CCDC62: variants seen among roughly 807,000 people sequenced by gnomAD.
CCDC62 encodes coiled-coil domain containing 62.
CCDC62 carries 72 observed loss-of-function variants against 80.8 expected under a neutral mutation model. The observed-to-expected ratio is 0.89, with a 90% CI of 0.74 to 1.08. CCDC62 has a LOEUF of 1.08. Ranked by LOEUF, CCDC62 falls within the 50% of genes least tolerant of loss-of-function variation. CCDC62 has a pLI of 0.00. For missense variants in CCDC62, 704 were observed against 809.4 expected (o/e 0.87, Z 1.58); for synonymous variants, 286 against 296.5 (o/e 0.96, Z 0.36).
intron 4 of CCDC62, among the ~76,000 whole-genome samples, chr12:122,787,994 A>G (rs898451529): frequency 4.6e-5 from 7 of 152,236 alleles, no homozygotes; most frequent in Non-Finnish European, 2.9e-5. Flanking sequence ...GGGTTTTTGC[A>G]TGGCCTGCCC....
intron 10 of CCDC62, among the ~76,000 whole-genome samples, chr12:122,811,859 T>C (rs1365081099): frequency 2.9e-5 from 4 of 136,566 alleles, no homozygotes; most frequent in African/African-American, 1.1e-4. Context: ...AAAAATTCAG[T>C]CTAGGCCCCT....
At chr12:122,780,064 C>T (rs1440535300) in intron 2 of CCDC62, among the ~76,000 whole-genome samples, 1 of 152,114 alleles carries the variant, frequency 6.6e-6, no homozygotes, top group African/African-American at 2.4e-5. Context: ...GTAATCCCAG[C>T]ACTTTGGGAG....
chr12:122,789,518 C>T (rs978040455), intron 5 of CCDC62, among the ~76,000 whole-genome samples: 8 of 152,180 alleles, frequency 5.3e-5, no homozygotes, highest in East Asian at 1.9e-4. Context: ...CCACTGCCTC[C>T]ACCTCCTGGG....
chr12:122,812,793 AAG>A (rs1491441254), intron 10 of CCDC62, among the ~76,000 whole-genome samples: 4 of 143,290 alleles, frequency 2.8e-5, no homozygotes, highest in Non-Finnish European at 6.0e-5. Context: ...GAAAGAAAGA[AAG>A]AAAGAAAGAA....
At chr12:122,818,002 A>C (rs1255191349) in intron 11 of CCDC62, among the ~76,000 whole-genome samples, 2 of 152,058 alleles carry the variant, frequency 1.3e-5, no homozygotes, top group African/African-American at 4.8e-5. Flanking sequence ...AACTGACAGG[A>C]ACATGCAGAA....
chr12:122,813,910 G>T (rs1256770590), intron 11 of CCDC62, among the ~76,000 whole-genome samples: 1 of 151,854 alleles, frequency 6.6e-6, no homozygotes, highest in East Asian at 1.9e-4. Context: ...ACCCACCTTG[G>T]CCTCCCAAAG....
At chr12:122,820,969 G>A (rs1049900735) in intron 11 of CCDC62, among the ~76,000 whole-genome samples, 3 of 152,146 alleles carry the variant, frequency 2.0e-5, no homozygotes, top group Non-Finnish European at 1.5e-5. Flanking sequence ...GAGGGATCCC[G>A]GGGTGGCTGG....
chr12:122,792,370 G>T (rs1225896556), intron 6 of CCDC62, among the ~76,000 whole-genome samples: 2 of 151,810 alleles, frequency 1.3e-5, no homozygotes, highest in Non-Finnish European at 2.9e-5. Flanking sequence ...ACTGGTATGA[G>T]CCACCACGCC....
In CCDC62 at chr12:122,774,631, C is replaced by G; in HGVS notation, c.-40C>G. ...CGCCGATGGCGTTTCTGAGGTGACG[C>G]CGCCCACACCGGGCTTCTCCGGGGG... On this transcript the variant is annotated 5_prime_UTR_variant, in exon 1 of 13. Transcript: ENST00000253079. 8.1e-7 allele frequency: 1 copy of G among 1,240,564 alleles called. No individual in the cohort carries two copies. Among genetic ancestry groups the G allele is most frequent in the East Asian group, 3.2e-5 (1 of 31,416 alleles). The allele number at this position is 1,240,564 out of a possible 1,614,324, so 76.8% of individuals were successfully genotyped here.
intron 1 of CCDC62, chr12:122,776,817 TAG>T (rs894328313): frequency 2.0e-5 from 3 of 151,128 alleles, no homozygotes; most frequent in African/African-American, 7.3e-5. Context: ...TTTTTTTTGA[TAG>T]AGTTTTGCTC....
chr12:122,785,324 T>A (rs2030144563), intron 3 of CCDC62, among the ~76,000 whole-genome samples: 1 of 152,214 alleles, frequency 6.6e-6, no homozygotes, highest in Non-Finnish European at 1.5e-5. Flanking sequence ...GCTACTTTAT[T>A]TCAACAAAGG....
chr12:122,784,036 C>T (rs1196855459), intron 3 of CCDC62, among the ~76,000 whole-genome samples: 1 of 152,222 alleles, frequency 6.6e-6, no homozygotes, highest in Non-Finnish European at 1.5e-5. Context: ...TAAAAATCCT[C>T]TGTGATCTAC....
At chr12:122,798,723 G>A (rs900444358) in intron 8 of CCDC62, among the ~76,000 whole-genome samples, 9 of 152,214 alleles carry the variant, frequency 5.9e-5, no homozygotes, top group African/African-American at 2.2e-4. Flanking sequence ...GGAGGTTGCA[G>A]TGAGCCGAGA....
intron 3 of CCDC62, 78 bp from the exon 4 acceptor site, chr12:122,785,641 A>G: frequency 1.1e-6 from 1 of 947,258 alleles, no homozygotes; most frequent in South Asian, 1.3e-5. Context: ...TAGAGAAGTA[A>G]GCGCAGATTG....
At chr12:122,779,423 T>G (rs1384066408) in intron 2 of CCDC62, among the ~76,000 whole-genome samples, 2 of 152,128 alleles carry the variant, frequency 1.3e-5, no homozygotes, top group Non-Finnish European at 2.9e-5. Context: ...CTAGGAATAT[T>G]CTCACCCTTT....
chr12:122,825,711 C>T (rs1226624337), intron 12 of CCDC62, among the ~76,000 whole-genome samples: 1 of 149,592 alleles, frequency 6.7e-6, no homozygotes, highest in African/African-American at 2.5e-5. Context: ...GGTAGCTGGG[C>T]GCGGTGGCTC....
chr12:122,814,514 T>TC (rs2032084410), intron 11 of CCDC62, among the ~76,000 whole-genome samples: 1 of 151,056 alleles, frequency 6.6e-6, no homozygotes, highest in South Asian at 2.1e-4. Context: ...ATTTTTTTTT[T>TC]TTTTTTTTTG....
rs2032622583 is a variant in CCDC62, at chr12:122,826,128, G to C, written c.*41-294G>C. ...TCATATGCGGTTTCCTCAGAACCCA[G>C]TTTGATAAGCTAAAGCGTACAGGCA... On this transcript the variant is annotated intron_variant, in intron 12 of 12. Transcript: ENST00000253079. 2.0e-5 allele frequency among the ~76,000 whole-genome samples: 3 copies of C among 151,930 alleles called. No individual in the cohort carries two copies. The South Asian group carries it at 6.2e-4, about 32-fold the overall frequency.
chr12:122,811,225 TTTTCAGACGGAGTTTCACTCTTG>T (rs1036387891), intron 10 of CCDC62, among the ~76,000 whole-genome samples: 3 of 147,646 alleles, frequency 2.0e-5, no homozygotes, highest in African/African-American at 7.4e-5. Flanking sequence ...TTTTTTTTTT[TTTTCAGACGGAGTTTCACTCTTG>T]TTGCCCAGGC....
Sources: allele counts gnomAD v4.1 joint callset (sites outside exome capture counted in the v4.1 genomes callset), GRCh38; gene constraint gnomAD v4.1.1; transcripts MANE v1.5; gene names NCBI Gene and HGNC (gene_info 2026-07-23, HGNC 2026-07-21).